The following ASH1L variants were observed in gnomAD, a reference collection of about 807,000 sequenced individuals.
ASH1L encodes the protein ASH1 like histone lysine methyltransferase.
A neutral mutation model predicts 269.0 loss-of-function variants in ASH1L; 23 were observed. The observed-to-expected ratio is 0.09, with a 90% CI of 0.06 to 0.12. The LOEUF is 0.12. Ranked by LOEUF, ASH1L falls within the 10% of genes least tolerant of loss-of-function variation. The pLI is 1.00. For missense variants in ASH1L, 2,912 were observed against 3,567.8 expected, an observed-to-expected ratio of 0.82 and a Z score of 4.68; for synonymous variants, 1,187 against 1,253.5, an observed-to-expected ratio of 0.95 and a Z score of 1.12.
intron 1 of ASH1L, among the ~76,000 whole-genome samples, chr1:155,523,521 T>C (rs1405550783): frequency 2.6e-5 from 4 of 152,206 alleles, no homozygotes; most frequent in Non-Finnish European, 5.9e-5. Flanking sequence ...TTATGACTTC[T>C]ACAAGGAATG....
intron 20 of ASH1L, 54 bp from the exon 21 acceptor site, chr1:155,346,523 G>A (rs1463744556): frequency 2.0e-6 from 3 of 1,485,410 alleles, no homozygotes; most frequent in African/African-American, 1.4e-5. Flanking sequence ...TATTGAGAGT[G>A]TCCTGGGAGC....
intron 12 of ASH1L, among the ~76,000 whole-genome samples, chr1:155,368,091 C>A (rs1291885651): frequency 2.0e-5 from 3 of 152,196 alleles, no homozygotes; most frequent in Non-Finnish European, 2.9e-5. Context: ...CAGCCTCGAA[C>A]TTCTGGGCTC....
intron 7 of ASH1L, among the ~76,000 whole-genome samples, chr1:155,383,155 T>C (rs1028174966): frequency 9.2e-5 from 14 of 152,230 alleles, no homozygotes; most frequent in Non-Finnish European, 1.5e-5. Flanking sequence ...GCTAAGTTAT[T>C]ATGAGTCAAA....
At chr1:155,489,633 C>T (rs1225894450) in intron 2 of ASH1L, among the ~76,000 whole-genome samples, 1 of 151,702 alleles carries the variant, frequency 6.6e-6, no homozygotes, top group African/African-American at 2.4e-5. Flanking sequence ...TGGCGGGTGC[C>T]TGTAGTCCCA....
intron 4 of ASH1L, among the ~76,000 whole-genome samples, chr1:155,453,825 G>A (rs997858313): frequency 8.6e-5 from 13 of 151,686 alleles, no homozygotes; most frequent in Admixed American, 5.3e-4. Flanking sequence ...CAAAAAGGCC[G>A]GGCACAGTGG....
At chr1:155,518,435 A>G (rs1352212816) in intron 2 of ASH1L, among the ~76,000 whole-genome samples, 1 of 152,118 alleles carries the variant, frequency 6.6e-6, no homozygotes, top group Non-Finnish European at 1.5e-5. Flanking sequence ...ATCAGAGGAC[A>G]CAAAAGGAAA....
At chr1:155,490,440 C>T (rs1250887528) in intron 2 of ASH1L, among the ~76,000 whole-genome samples, 2 of 150,478 alleles carry the variant, frequency 1.3e-5, no homozygotes, top group African/African-American at 2.4e-5. Flanking sequence ...GGTGAAACCC[C>T]ATCTCTACTA....
At chr1:155,408,982 A>C (rs893372929) in intron 6 of ASH1L, among the ~76,000 whole-genome samples, 5 of 152,142 alleles carry the variant, frequency 3.3e-5, no homozygotes, top group African/African-American at 1.2e-4. Context: ...TCACCAGAAA[A>C]TGTCAGCTAA....
chr1:155,482,076 A>G lies in ASH1L; in HGVS notation c.794T>C (p.Ile265Thr). 6.2e-7 allele frequency: 1 copy of G among 1,614,092 alleles called. No homozygotes were observed. The highest frequency in any genetic ancestry group is 8.5e-7 in the Non-Finnish European group (1 of 1,179,992). The change falls in exon 3 of 28, where the codon ATA becomes ACA. Residue 265 changes from isoleucine (I) to threonine (T), a missense_variant. Physicochemically the swap from Ile to Thr is moderately conservative, Grantham distance 89 (BLOSUM62 -1). Coordinates refer to ENST00000392403, the MANE Select transcript of ASH1L (RefSeq NM_018489.3). ...RKAGVGSVAGIIHKDLIKKPT... is the reference protein window; with the variant it reads ...RKAGVGSVAGTIHKDLIKKPT... ...CTTTTTTATTAAGTCCTTATGTATT[A>G]TTCCAGCTACAGAGCCAACACCTGC... is the stretch of plus-strand genomic sequence containing the variant.
chr1:155,558,570 G>A (rs1422990787), intron 1 of ASH1L, among the ~76,000 whole-genome samples: 1 of 152,168 alleles, frequency 6.6e-6, no homozygotes, highest in South Asian at 2.1e-4. Context: ...AAGAGACAGT[G>A]TTTCACGCTA....
In ASH1L at chr1:155,481,647, A is replaced by G. The variant is rs760921805; in HGVS notation, c.1223T>C (p.Leu408Pro). 29 of 1,614,020 alleles carry G rather than the reference A, an allele frequency of 1.8e-5. No homozygotes were observed. The highest frequency in any genetic ancestry group is 3.4e-6 in the Non-Finnish European group (4 of 1,180,024). ...GLVNKDIGKK[L>P]MSCPLAGLIS... ...CAGACCTGCCAAAGGACAACTCATT[A>G]GTTTCTTTCCAATGTCCTTATTAAC... The change falls in exon 3 of 28, where the codon CTA becomes CCA. Residue 408 changes from leucine (L) to proline (P), a missense_variant. This residue lies in a region of ASH1L where 715 missense variants were observed against 721.0 expected (regional missense o/e 0.99). Transcript: ENST00000392403.
chr1:155,522,927 G>A lies in ASH1L; in HGVS notation c.-99-1309C>T, dbSNP rs545220391. On this transcript the variant is annotated intron_variant, in intron 1 of 27. Coordinates refer to ENST00000392403, the MANE Select transcript of ASH1L (RefSeq NM_018489.3). ...GCTGGTCTTGAACGCCTGACCTCAG[G>A]TGATCCGCCTGCCTTAGCCTCCCAA... 4.6e-5 allele frequency among the ~76,000 whole-genome samples: 7 copies of A among 152,226 alleles called. No homozygotes were observed. In the East Asian group the frequency reaches 1.4e-3, roughly 29 times the overall value.
chr1:155,517,279 G>A (rs1450987646), intron 2 of ASH1L, among the ~76,000 whole-genome samples: 1 of 152,194 alleles, frequency 6.6e-6, no homozygotes, highest in East Asian at 1.9e-4. Context: ...GAGCCCAGGA[G>A]TTTGAGGCTG....
At chr1:155,488,639 A>G (rs889972186) in intron 2 of ASH1L, among the ~76,000 whole-genome samples, 1 of 131,494 alleles carries the variant, frequency 7.6e-6, no homozygotes, top group Non-Finnish European at 1.6e-5. Flanking sequence ...ACTGTACTCC[A>G]GCCTGGGCAA....
chr1:155,368,761 T>G (rs746696544), intron 12 of ASH1L, among the ~76,000 whole-genome samples: 8 of 152,136 alleles, frequency 5.3e-5, no homozygotes, highest in African/African-American at 1.2e-4. Flanking sequence ...GGCTGGAATG[T>G]TTTTCAAAGG....
chr1:155,402,086 T>TA (rs1032323478), intron 6 of ASH1L, among the ~76,000 whole-genome samples: 75 of 145,514 alleles, frequency 5.2e-4, no homozygotes, highest in Middle Eastern at 3.6e-3. Context: ...CAAGACTGTC[T>TA]AAAAAAAAAA....
chr1:155,469,226 A>AGGCTGGAGTGCAATGGC (rs1337969355), intron 3 of ASH1L, among the ~76,000 whole-genome samples: 1 of 151,332 alleles, frequency 6.6e-6, no homozygotes, highest in Non-Finnish European at 1.5e-5. Context: ...CTCCTTGCCC[A>AGGCTGGAGTGCAATGGC]GGCTGGAGTG....
chr1:155,476,652 C>T (rs759153453), intron 3 of ASH1L, among the ~76,000 whole-genome samples: 1 of 151,224 alleles, frequency 6.6e-6, no homozygotes, highest in Non-Finnish European at 1.5e-5. Context: ...CCAGAGTTCA[C>T]GCCATTCTCC....
chr1:155,553,578 G>T (rs762631119), intron 1 of ASH1L, among the ~76,000 whole-genome samples: 1 of 152,112 alleles, frequency 6.6e-6, no homozygotes, highest in African/African-American at 2.4e-5. Flanking sequence ...TACCTAGAAC[G>T]CCCTCTCTTA....
Sources: allele counts gnomAD v4.1 joint callset (sites outside exome capture counted in the v4.1 genomes callset), GRCh38; gene constraint gnomAD v4.1.1; regional missense constraint gnomAD v4.1.1; transcripts MANE v1.5; gene names NCBI Gene and HGNC (gene_info 2026-07-23, HGNC 2026-07-21).